CAMK4: variants seen among roughly 807,000 people sequenced by gnomAD.
The protein encoded by CAMK4 is calcium/calmodulin dependent protein kinase IV, also known as calcium/calmodulin-dependent protein kinase type IV.
In CAMK4, 22 loss-of-function variants were observed where a neutral mutation model predicts 44.9. The observed-to-expected ratio is 0.49, with a 90% CI of 0.35 to 0.70. CAMK4 has a LOEUF of 0.70. Among genes scored for constraint, CAMK4 ranks in the 30% least tolerant of loss-of-function variants. CAMK4 has a pLI of 0.01. For missense variants in CAMK4, 498 were observed against 586.8 expected (o/e 0.85, Z 1.56); for synonymous variants, 218 against 215.4 (o/e 1.01, Z -0.11).
chr5:111,476,239 T>TTGTGTGTG (rs5870455), intron 8 of CAMK4, among the ~76,000 whole-genome samples: 2 of 132,782 alleles, frequency 1.5e-5, no homozygotes, highest in African/African-American at 3.4e-5. Context: ...CTTTGCTTCT[T>TTGTGTGTG]TGTGTGTGTG....
chr5:111,403,662 G>C (rs1453002507), intron 5 of CAMK4, among the ~76,000 whole-genome samples: 2 of 152,120 alleles, frequency 1.3e-5, no homozygotes, highest in African/African-American at 4.8e-5. Flanking sequence ...GGCCCAATCA[G>C]AGCATAGACA....
At chr5:111,298,607 C>A (rs10900669) in intron 1 of CAMK4, among the ~76,000 whole-genome samples, 7,966 of 152,220 alleles carry the variant, frequency 0.052, 519 homozygotes, top group East Asian at 0.23. Context: ...TGTGCAGGTG[C>A]GACTAGCCCC....
chr5:111,435,609 A>C (rs1753617816), intron 5 of CAMK4, among the ~76,000 whole-genome samples: 1 of 152,192 alleles, frequency 6.6e-6, no homozygotes, highest in South Asian at 2.1e-4. Context: ...CAGAGTGTGC[A>C]GACTCAGGAG....
intron 5 of CAMK4, among the ~76,000 whole-genome samples, chr5:111,417,900 T>C (rs1752871643): frequency 6.6e-6 from 1 of 152,226 alleles, no homozygotes; most frequent in South Asian, 2.1e-4. Flanking sequence ...CACTTTAACC[T>C]GTTTTGTCAT....
chr5:111,258,960 G>A (rs1411845780), intron 1 of CAMK4, among the ~76,000 whole-genome samples: 1 of 152,136 alleles, frequency 6.6e-6, no homozygotes, highest in Admixed American at 6.6e-5. Flanking sequence ...TCAACATACG[G>A]TATGAAATTT....
At chr5:111,234,553 A>C (rs549678718) in intron 1 of CAMK4, among the ~76,000 whole-genome samples, 190 of 152,328 alleles carry the variant, frequency 1.2e-3, no homozygotes, top group Non-Finnish European at 1.8e-3. Flanking sequence ...CTTCGTGGCA[A>C]ATTTTGCCAA....
intron 2 of CAMK4, among the ~76,000 whole-genome samples, chr5:111,360,661 A>G (rs1169662944): frequency 6.6e-6 from 1 of 152,106 alleles, no homozygotes; most frequent in African/African-American, 2.4e-5. Flanking sequence ...GAGACTTAAC[A>G]GACATGCTGA....
At chr5:111,256,493 T>G (rs1441340310) in intron 1 of CAMK4, among the ~76,000 whole-genome samples, 1 of 152,226 alleles carries the variant, frequency 6.6e-6, no homozygotes, top group African/African-American at 2.4e-5. Context: ...TTGGGGGAAC[T>G]GAGTGAAGGG....
chr5:111,373,223 T>C (rs1238247885), intron 2 of CAMK4, among the ~76,000 whole-genome samples: 1 of 152,178 alleles, frequency 6.6e-6, no homozygotes, highest in African/African-American at 2.4e-5. Context: ...CATGACTTTA[T>C]GGCAATTTAA....
At chr5:111,260,725 C>T (rs1405402124) in intron 1 of CAMK4, among the ~76,000 whole-genome samples, 1 of 152,106 alleles carries the variant, frequency 6.6e-6, no homozygotes, top group Non-Finnish European at 1.5e-5. Flanking sequence ...TTCCAGTTTA[C>T]TCCCTTATTT....
At chr5:111,255,557 T>C (rs1180552135) in intron 1 of CAMK4, among the ~76,000 whole-genome samples, 1 of 152,200 alleles carries the variant, frequency 6.6e-6, no homozygotes, top group Admixed American at 6.5e-5. Context: ...AAAAAAGCCA[T>C]GATCTAAAGT....
intron 1 of CAMK4, among the ~76,000 whole-genome samples, chr5:111,315,515 C>G (rs1748381661): frequency 6.6e-6 from 1 of 152,092 alleles, no homozygotes; most frequent in South Asian, 2.1e-4. Flanking sequence ...ATTTACGTGC[C>G]TGGCACTGGG....
intron 5 of CAMK4, among the ~76,000 whole-genome samples, chr5:111,429,872 T>C (rs532279435): frequency 5.4e-4 from 75 of 139,420 alleles, no homozygotes; most frequent in African/African-American, 1.9e-3. Context: ...TGCCAATTTC[T>C]ACCAAACATT....
At position 111,494,399 on chromosome 5, in the gene CAMK4, C is replaced by G. The variant is rs1755987302; in HGVS notation, c.*9933C>G. The G allele has an allele frequency of 6.6e-6, 1 of 152,122 alleles. No individual in the cohort carries two copies. Among genetic ancestry groups the G allele is most frequent in the African/African-American group, 2.4e-5 (1 of 41,428 alleles). 9.4% of individuals were successfully genotyped at this position (152,122 alleles called of 1,614,324 possible). A position where few individuals can be genotyped will look rare whatever the true frequency, so the allele number is the denominator to read the frequency against. The stretch of plus-strand genomic sequence containing the variant: ...ATATTTTTAGGTAAATGTATTAAGT[C>G]TGGCCTGGGCATAAATGTACATACA... On this transcript the variant is annotated 3_prime_UTR_variant, in exon 11 of 11. Transcript: ENST00000282356.
At chr5:111,301,255 C>CT (rs908583136) in intron 1 of CAMK4, among the ~76,000 whole-genome samples, 1 of 151,750 alleles carries the variant, frequency 6.6e-6, no homozygotes, top group African/African-American at 2.4e-5. Flanking sequence ...CAACAAATGG[C>CT]TTTTTCAAAA....
chr5:111,254,843 C>T (rs1042582118), intron 1 of CAMK4, among the ~76,000 whole-genome samples: 2 of 151,938 alleles, frequency 1.3e-5, no homozygotes, highest in African/African-American at 4.8e-5. Context: ...AAGGGTACTG[C>T]AGTCAGGTTC....
chr5:111,336,095 C>A (rs1027507300), intron 1 of CAMK4, among the ~76,000 whole-genome samples: 2 of 151,228 alleles, frequency 1.3e-5, no homozygotes, highest in Admixed American at 6.6e-5. Flanking sequence ...TCATCAAATT[C>A]ATGGCAGAAA....
At chr5:111,262,185 A>G (rs1320889519) in intron 1 of CAMK4, among the ~76,000 whole-genome samples, 1 of 151,878 alleles carries the variant, frequency 6.6e-6, no homozygotes, top group Non-Finnish European at 1.5e-5. Flanking sequence ...ACGGGCAAAA[A>G]AAAAAAAAAA....
At chr5:111,246,148 A>C (rs984858481) in intron 1 of CAMK4, among the ~76,000 whole-genome samples, 2 of 152,176 alleles carry the variant, frequency 1.3e-5, no homozygotes, top group African/African-American at 4.8e-5. Flanking sequence ...GAGATGTTTA[A>C]GGAGCACTGA....
Sources: allele counts gnomAD v4.1 joint callset (sites outside exome capture counted in the v4.1 genomes callset), GRCh38; gene constraint gnomAD v4.1.1; transcripts MANE v1.5; gene names NCBI Gene and HGNC (gene_info 2026-07-23, HGNC 2026-07-21).